ZMYND8: variants seen among roughly 807,000 people sequenced by gnomAD.
ZMYND8 encodes MYND-type zinc finger-containing chromatin reader ZMYND8.
ZMYND8 carries 37 observed loss-of-function variants against 140.8 expected under a neutral mutation model. The observed-to-expected ratio is 0.26, with a 90% CI of 0.20 to 0.35. ZMYND8 has a LOEUF of 0.35. ZMYND8 is among the 10% of genes least tolerant of loss of function. ZMYND8 has a pLI of 1.00. For missense variants in ZMYND8, 1,068 were observed against 1,570.0 expected (o/e 0.68, Z 5.40); for synonymous variants, 592 against 597.1 (o/e 0.99, Z 0.12).
At chr20:47,267,494 GGC>G (rs1177044353) in intron 11 of ZMYND8, among the ~76,000 whole-genome samples, 12 of 102,748 alleles carry the variant, frequency 1.2e-4, no homozygotes, top group East Asian at 3.0e-4. Flanking sequence ...TCAGGGCCGG[GGC>G]GGGGGGGGGG....
chr20:47,255,722 G>GTGTATGTATATA (rs1458176502), intron 12 of ZMYND8, among the ~76,000 whole-genome samples: 1 of 77,766 alleles, frequency 1.3e-5, no homozygotes, highest in South Asian at 3.9e-4. Flanking sequence ...GTGTATGTGT[G>GTGTATGTATATA]TATATATATA....
At chr20:47,301,376 G>A (rs745508667) in intron 3 of ZMYND8, among the ~76,000 whole-genome samples, 2 of 151,844 alleles carry the variant, frequency 1.3e-5, no homozygotes, top group Non-Finnish European at 2.9e-5. Flanking sequence ...GGATGGTCTC[G>A]AACTCCTGAC....
intron 16 of ZMYND8, 29 bp from the exon 17 acceptor site, chr20:47,229,835 C>T: frequency 6.3e-7 from 1 of 1,580,840 alleles, no homozygotes; most frequent in Non-Finnish European, 8.7e-7. Context: ...AACAATTCAG[C>T]TGATCACTTC....
chr20:47,209,683 T>C lies in ZMYND8; in HGVS notation c.*1078A>G, dbSNP rs2034999623. The C allele has an allele frequency of 6.6e-6, 1 of 152,664 alleles. No homozygotes were observed. The highest frequency in any genetic ancestry group is 2.4e-5 in the African/African-American group (1 of 41,462). The allele number at this position is 152,664 out of a possible 1,614,324, so 9.5% of individuals were successfully genotyped here. A position where few individuals can be genotyped will look rare whatever the true frequency, so the allele number is the denominator to read the frequency against. ...ACATACATCACCTTTTGCTTTTTCA[T>C]CAATGCTTTTTGTTTTACACAACAT... On this transcript the variant is annotated 3_prime_UTR_variant, in exon 23 of 23. Transcript: ENST00000471951.
Position 47,310,182 on chromosome 20 carries a change from T to G in ZMYND8, c.108A>C (p.Thr36=). 1 of 1,610,252 alleles carries G rather than the reference T, an allele frequency of 6.2e-7. No individual in the cohort carries two copies. Among genetic ancestry groups the G allele is most frequent in the African/African-American group, 1.3e-5 (1 of 74,498 alleles). ...RSKDPGSAER[T]AQKRKFPSPP... is the part of the protein sequence containing the mutation. ...GGCTGGGGAACTTTCTTTTCTGGGC[T>G]GTTCTCTCTGCAGAGCCAGGATCTG... The change falls in exon 3 of 23, where the codon ACA becomes ACC. Residue 36 remains threonine (T), a synonymous_variant. Transcript: ENST00000471951.
chr20:47,247,799 T>A (rs1209683322), intron 13 of ZMYND8, among the ~76,000 whole-genome samples: 1 of 152,164 alleles, frequency 6.6e-6, no homozygotes, highest in Admixed American at 6.5e-5. Flanking sequence ...TGTATCTGCC[T>A]CCACCAGGGC....
chr20:47,334,962 G>A (rs1320580033), intron 2 of ZMYND8, among the ~76,000 whole-genome samples: 1 of 151,956 alleles, frequency 6.6e-6, no homozygotes, highest in East Asian at 1.9e-4. Context: ...ATGGAGAACT[G>A]GGCCCAGGAG....
chr20:47,257,680 A>C (rs1374508090), intron 12 of ZMYND8, among the ~76,000 whole-genome samples: 1 of 152,172 alleles, frequency 6.6e-6, no homozygotes, highest in Non-Finnish European at 1.5e-5. Flanking sequence ...ATACATACAT[A>C]TACCATATAC....
At chr20:47,265,161 A>G (rs2075430731) in intron 11 of ZMYND8, among the ~76,000 whole-genome samples, 1 of 151,870 alleles carries the variant, frequency 6.6e-6, no homozygotes. Context: ...TCCAAAAGCA[A>G]TTTGCAGCTG....
At chr20:47,325,311 T>C (rs778729654) in intron 2 of ZMYND8, among the ~76,000 whole-genome samples, 1 of 152,154 alleles carries the variant, frequency 6.6e-6, no homozygotes, top group Non-Finnish European at 1.5e-5. Context: ...CCATCCTTCT[T>C]TGCTGTAGCC....
chr20:47,310,788 A>G (rs1180774900), intron 2 of ZMYND8, among the ~76,000 whole-genome samples: 2 of 144,140 alleles, frequency 1.4e-5, no homozygotes, highest in East Asian at 4.1e-4. Flanking sequence ...TCCGACGTGA[A>G]AAAAAAAAAA....
At chr20:47,305,615 C>T (rs746194178) in intron 3 of ZMYND8, among the ~76,000 whole-genome samples, 26 of 150,808 alleles carry the variant, frequency 1.7e-4, no homozygotes, top group African/African-American at 2.2e-4. Context: ...GTTTTTAGGG[C>T]AACATGTGGG....
At chr20:47,220,057 C>T (rs1027872509) in intron 21 of ZMYND8, among the ~76,000 whole-genome samples, 2 of 152,116 alleles carry the variant, frequency 1.3e-5, no homozygotes, top group East Asian at 1.9e-4. Context: ...TAGGTAATAC[C>T]GATCAGCTTG....
chr20:47,276,391 T>G lies in ZMYND8; in HGVS notation c.1403A>C (p.Gln468Pro). The G allele has an allele frequency of 6.2e-7, 1 of 1,609,420 alleles. No homozygotes were observed. The highest frequency in any genetic ancestry group is 8.5e-7 in the Non-Finnish European group (1 of 1,176,106). The change falls in exon 11 of 23, where the codon CAG becomes CCG. Residue 468 changes from glutamine to proline, a missense_variant. This residue lies in a region of ZMYND8 where 173 missense variants were observed against 223.3 expected (regional missense o/e 0.77). Transcript: ENST00000471951. The part of the protein sequence containing the change: ...SSVHTGSDVE[Q>P]DAEKKATSSH... ...CGACGTGGCCTTCTTCTCAGCATCC[T>G]GCTCCACGTCGGAGCCCGTGTGCAC...
intron 10 of ZMYND8, among the ~76,000 whole-genome samples, chr20:47,279,903 G>T (rs773883462): frequency 1.3e-5 from 2 of 151,906 alleles, no homozygotes; most frequent in South Asian, 4.1e-4. Flanking sequence ...CAGATGGATC[G>T]GTTGAATCCA....
intron 8 of ZMYND8, among the ~76,000 whole-genome samples, chr20:47,284,135 C>G (rs932371368): frequency 6.6e-5 from 10 of 152,108 alleles, no homozygotes; most frequent in Non-Finnish European, 1.5e-5. Flanking sequence ...GTTAGCCAGG[C>G]TGGTCTCAAA....
At chr20:47,249,575 CCAA>C (rs2074002057) in intron 12 of ZMYND8, 136 bp from the exon 13 acceptor site, 1 of 1,203,822 alleles carries the variant, frequency 8.3e-7, no homozygotes, top group Non-Finnish European at 1.1e-6. Context: ...GTCATTCATC[CCAA>C]CAATATCATC....
intron 3 of ZMYND8, among the ~76,000 whole-genome samples, chr20:47,309,303 C>A (rs1280822293): frequency 1.3e-5 from 2 of 151,362 alleles, no homozygotes; most frequent in Admixed American, 6.6e-5. Flanking sequence ...AGAACCTAAA[C>A]CCTTCATTTT....
rs1316907381 is a variant in ZMYND8, at chr20:47,289,136, C to A, written c.748+1051G>T. On this transcript the variant is annotated intron_variant, in intron 7 of 22. Transcript: ENST00000471951. ...AAATAAATAAATAATCCTATTTTTG[C>A]AATGAACAAAATATCTGAATAGATG... Among the ~76,000 whole-genome samples, 5 of 151,990 alleles carry A rather than the reference C, an allele frequency of 3.3e-5. 1 individual carries two copies. The highest frequency in any genetic ancestry group is 3.3e-4 in the Admixed American group (5 of 15,244).
Sources: allele counts gnomAD v4.1 joint callset (sites outside exome capture counted in the v4.1 genomes callset), GRCh38; gene constraint gnomAD v4.1.1; regional missense constraint gnomAD v4.1.1; transcripts MANE v1.5; gene names NCBI Gene and HGNC (gene_info 2026-07-23, HGNC 2026-07-21).